BTBD9: variants seen among roughly 807,000 people sequenced by gnomAD.
BTBD9 encodes BTB/POZ domain-containing protein 9.
A neutral mutation model predicts 64.3 loss-of-function variants in BTBD9; 49 were observed. The ratio of observed to expected loss-of-function variants is 0.76; its 90% CI spans 0.61 to 0.97. The LOEUF (loss-of-function observed/expected upper bound fraction) is 0.97. BTBD9 is among the 50% of genes least tolerant of loss of function. The pLI, the probability that BTBD9 is intolerant of heterozygous loss-of-function variation, is 0.00. For synonymous variants in BTBD9, 260 were observed against 274.7 expected (o/e 0.95, Z 0.53); for missense variants, 598 against 762.1 (o/e 0.78, Z 2.53).
intron 6 of BTBD9, among the ~76,000 whole-genome samples, chr6:38,386,940 G>A (rs1012880995): frequency 2.0e-5 from 3 of 152,044 alleles, no homozygotes; most frequent in African/African-American, 7.2e-5. Context: ...AACGCGTCTG[G>A]CCCAATTCAC....
At chr6:38,185,976 G>T (rs965206092) in intron 10 of BTBD9, among the ~76,000 whole-genome samples, 4 of 152,196 alleles carry the variant, frequency 2.6e-5, no homozygotes, top group African/African-American at 9.7e-5. Context: ...GATGAACAAG[G>T]CTGCGGTGAC....
At chr6:38,436,606 C>T (rs1050059137) in intron 6 of BTBD9, among the ~76,000 whole-genome samples, 1 of 151,612 alleles carries the variant, frequency 6.6e-6, no homozygotes, top group Non-Finnish European at 1.5e-5. Context: ...AAATTCCTGA[C>T]CTCAGGTCAT....
At chr6:38,533,632 A>G (rs1293833152) in intron 6 of BTBD9, among the ~76,000 whole-genome samples, 2 of 152,192 alleles carry the variant, frequency 1.3e-5, no homozygotes, top group Non-Finnish European at 2.9e-5. Context: ...AGGATAGACC[A>G]TATGTTAGGT....
intron 6 of BTBD9, among the ~76,000 whole-genome samples, chr6:38,450,131 G>T (rs1382035475): frequency 6.6e-6 from 1 of 152,162 alleles, no homozygotes; most frequent in Non-Finnish European, 1.5e-5. Context: ...TAAGTCTGAA[G>T]AACATTAAGT....
intron 8 of BTBD9, among the ~76,000 whole-genome samples, chr6:38,268,720 C>T (rs566029390): frequency 6.6e-6 from 1 of 152,310 alleles, no homozygotes; most frequent in Non-Finnish European, 1.5e-5. Flanking sequence ...TCTTCTTTTC[C>T]CCACAGAGCA....
chr6:38,516,758 G>A (rs553131759), intron 6 of BTBD9, among the ~76,000 whole-genome samples: 3 of 152,080 alleles, frequency 2.0e-5, no homozygotes, highest in African/African-American at 7.2e-5. Context: ...ACAGTGATCT[G>A]AGTAAAGTAT....
intron 6 of BTBD9, among the ~76,000 whole-genome samples, chr6:38,542,735 C>T (rs1235822340): frequency 6.6e-6 from 1 of 152,152 alleles, no homozygotes; most frequent in Non-Finnish European, 1.5e-5. Context: ...TTGCCCTAAC[C>T]TGGGCGGGAC....
intron 9 of BTBD9, among the ~76,000 whole-genome samples, chr6:38,197,647 A>G (rs1043507948): frequency 5.3e-5 from 8 of 152,222 alleles, no homozygotes; most frequent in Non-Finnish European, 1.2e-4. Flanking sequence ...GAAAACACAA[A>G]GAGCATGGCA....
chr6:38,357,045 T>C (rs961638824), intron 6 of BTBD9, among the ~76,000 whole-genome samples: 2 of 152,194 alleles, frequency 1.3e-5, no homozygotes, highest in African/African-American at 2.4e-5. Context: ...ATTGTGCACG[T>C]TGTCTCTCCT....
At chr6:38,368,280 T>C (rs1004574947) in intron 6 of BTBD9, among the ~76,000 whole-genome samples, 1 of 152,180 alleles carries the variant, frequency 6.6e-6, no homozygotes, top group Non-Finnish European at 1.5e-5. Context: ...TTCCATCCCT[T>C]TGGGGGAATA....
intron 10 of BTBD9, among the ~76,000 whole-genome samples, chr6:38,182,277 T>A (rs1432816276): frequency 6.6e-6 from 1 of 152,174 alleles, no homozygotes; most frequent in Non-Finnish European, 1.5e-5. Flanking sequence ...GGCTTTCCAA[T>A]CCCTATCACC....
At chr6:38,550,315 C>A (rs1487241605) in intron 6 of BTBD9, among the ~76,000 whole-genome samples, 1 of 106,820 alleles carries the variant, frequency 9.4e-6, no homozygotes, top group Non-Finnish European at 1.9e-5. Flanking sequence ...TTTTCTTTTT[C>A]TTTTTTCTTT....
intron 6 of BTBD9, among the ~76,000 whole-genome samples, chr6:38,393,482 T>C (rs1237775621): frequency 2.0e-5 from 3 of 150,258 alleles, no homozygotes; most frequent in Admixed American, 6.6e-5. Context: ...ATTCAACTTC[T>C]ATGCCAGTAA....
chr6:38,508,175 A>C (rs1195333215), intron 6 of BTBD9, among the ~76,000 whole-genome samples: 1 of 152,102 alleles, frequency 6.6e-6, no homozygotes, highest in African/African-American at 2.4e-5. Context: ...TCCATGCTTC[A>C]GACAATTTGC....
At chr6:38,477,723 G>A (rs891776915) in intron 6 of BTBD9, among the ~76,000 whole-genome samples, 2 of 152,302 alleles carry the variant, frequency 1.3e-5, no homozygotes, top group South Asian at 2.1e-4. Context: ...TTAAGAAAGC[G>A]AGGATGAAAG....
At chr6:38,495,446 G>A (rs555450093) in intron 6 of BTBD9, among the ~76,000 whole-genome samples, 38 of 152,300 alleles carry the variant, frequency 2.5e-4, no homozygotes, top group Non-Finnish European at 4.7e-4. Context: ...AGTCACATGG[G>A]TGAATCAATA....
At position 38,341,168 on chromosome 6, in the gene BTBD9, T is replaced by C. The variant is rs77574439; in HGVS notation, c.1264+3816A>G. On this transcript the variant is annotated intron_variant, in intron 7 of 10. Coordinates refer to ENST00000481247, the MANE Select transcript of BTBD9 (RefSeq NM_001099272.2). ...CTATTTGCCTAATATGGACCTTAAC[T>C]GAGTTCTGATTTACTCAACCTATAA... Among the ~76,000 whole-genome samples, 525 of 152,346 alleles carry C rather than the reference T, an allele frequency of 3.4e-3. 6 individuals are homozygous for C. The highest frequency in any genetic ancestry group is 0.023 in the Admixed American group (354 of 15,304).
At chr6:38,339,966 G>A (rs1393316937) in intron 7 of BTBD9, among the ~76,000 whole-genome samples, 5 of 152,148 alleles carry the variant, frequency 3.3e-5, no homozygotes, top group South Asian at 2.1e-4. Flanking sequence ...AACTCATTTC[G>A]GTAATCATAT....
At chr6:38,609,902 G>A (rs1777554472) in intron 1 of BTBD9, among the ~76,000 whole-genome samples, 1 of 152,288 alleles carries the variant, frequency 6.6e-6, no homozygotes, top group Admixed American at 6.5e-5. Context: ...GGATGTCACT[G>A]ACACAAATTC....
Sources: allele counts gnomAD v4.1 joint callset (sites outside exome capture counted in the v4.1 genomes callset), GRCh38; gene constraint gnomAD v4.1.1; transcripts MANE v1.5; gene names NCBI Gene and HGNC (gene_info 2026-07-23, HGNC 2026-07-21).